The following KIAA1549 variants were observed in gnomAD, a reference collection of about 807,000 sequenced individuals.
KIAA1549 encodes UPF0606 protein KIAA1549.
KIAA1549 carries 70 observed loss-of-function variants against 156.4 expected under a neutral mutation model. That is an observed-to-expected ratio of 0.45 (90% CI 0.37 to 0.55). The LOEUF is 0.55. Ranked by LOEUF, KIAA1549 falls within the 20% of genes least tolerant of loss-of-function variation. The pLI, the probability that KIAA1549 is intolerant of heterozygous loss-of-function variation, is 0.00. For synonymous variants in KIAA1549, 1,103 were observed against 1,066.4 expected (o/e 1.03, Z -0.67); for missense variants, 2,428 against 2,540.9 (o/e 0.96, Z 0.96).
At chr7:138,948,374 A>G (rs2718140) in intron 1 of KIAA1549, among the ~76,000 whole-genome samples, 76,545 of 151,892 alleles carry the variant, frequency 0.5, 23,430 homozygotes, top group African/African-American at 0.88. Context: ...AGGAGTGCCC[A>G]GGCCTGCCAG....
chr7:138,834,348 C>T lies in KIAA1549; in HGVS notation c.*3558G>A. 5.3e-6 allele frequency: 1 copy of T among 189,498 alleles called. No individual in the cohort carries two copies. The highest frequency in any genetic ancestry group is 1.1e-5 in the Non-Finnish European group (1 of 90,150). 11.7% of individuals were successfully genotyped at this position (189,498 alleles called of 1,614,324 possible). On this transcript the variant is annotated 3_prime_UTR_variant, in exon 20 of 20. Transcript: ENST00000422774. ...TTTTTTTGTAGAGACGGGGTTTTGC[C>T]ATGTTGCCTGGGCTGGTTTTAAGCT...
Position 138,836,608 on chromosome 7 carries a change from C to A in KIAA1549, c.*1298G>T, listed in dbSNP as rs1809714755. On this transcript the variant is annotated 3_prime_UTR_variant, in exon 20 of 20. Coordinates refer to ENST00000422774, the MANE Select transcript of KIAA1549 (RefSeq NM_001164665.2). ...ACAGAACAGCCCTTGCCACTGTTTT[C>A]TTTACCATTATTTGGAAAGTGGGGG... The A allele has an allele frequency of 4.6e-6, 1 of 218,966 alleles. No homozygotes were observed. Among genetic ancestry groups the A allele is most frequent in the Non-Finnish European group, 9.2e-6 (1 of 109,130 alleles). The allele number at this position is 218,966 out of a possible 1,614,324, so 13.6% of individuals were successfully genotyped here. A position where few individuals can be genotyped will look rare whatever the true frequency, so the allele number is the denominator to read the frequency against.
chr7:138,928,122 A>G (rs1812774403), intron 1 of KIAA1549, among the ~76,000 whole-genome samples: 1 of 150,366 alleles, frequency 6.7e-6, no homozygotes. Flanking sequence ...GGGGTTTCAC[A>G]GTGTAAGCCA....
Position 138,832,257 on chromosome 7 carries a change from C to T in KIAA1549, c.*5649G>A, listed in dbSNP as rs980828838. The T allele has an allele frequency of 3.0e-5, 6 of 197,810 alleles. No homozygotes were observed. The highest frequency in any genetic ancestry group is 6.4e-5 in the Admixed American group (1 of 15,674). 12.3% of individuals were successfully genotyped at this position (197,810 alleles called of 1,614,324 possible). The stretch of plus-strand genomic sequence containing the variant: ...TGCAGCCCAGGCTGGAGTGCAGTGG[C>T]GTGATTATAGCTCACTGCAGCCTCC... On this transcript the variant is annotated 3_prime_UTR_variant, in exon 20 of 20. Coordinates refer to ENST00000422774, the MANE Select transcript of KIAA1549 (RefSeq NM_001164665.2).
Position 138,914,424 on chromosome 7 carries a change from G to A in KIAA1549, c.2879-1964C>T, listed in dbSNP as rs562307095. 5.9e-5 allele frequency among the ~76,000 whole-genome samples: 9 copies of A among 152,302 alleles called. No homozygotes were observed. In the South Asian group the frequency reaches 8.3e-4, roughly 14 times the overall value. ...GGTCAGAAAGGCCCTGGGTGGAAGC[G>A]CGGCTCATGCCTCCCAGGGCGCGTG... is the stretch of plus-strand genomic sequence containing the variant. On this transcript the variant is annotated intron_variant, in intron 2 of 19. Coordinates refer to ENST00000422774, the MANE Select transcript of KIAA1549 (RefSeq NM_001164665.2).
intron 1 of KIAA1549, among the ~76,000 whole-genome samples, chr7:138,967,374 G>A (rs926195140): frequency 7.2e-5 from 11 of 152,200 alleles, no homozygotes; most frequent in African/African-American, 2.7e-4. Context: ...CAGGAAATCT[G>A]AGCAGAGACC....
intron 10 of KIAA1549, among the ~76,000 whole-genome samples, chr7:138,888,312 A>C (rs1299695667): frequency 6.6e-6 from 1 of 152,262 alleles, no homozygotes; most frequent in Non-Finnish European, 1.5e-5. Context: ...AGCTGAGTTA[A>C]TACTGTATAC....
intron 15 of KIAA1549, among the ~76,000 whole-genome samples, chr7:138,862,472 C>G (rs947271944): frequency 4.0e-5 from 6 of 149,024 alleles, no homozygotes; most frequent in African/African-American, 9.9e-5. Flanking sequence ...CCACTGCACC[C>G]TAGCCTGGGT....
In KIAA1549 at chr7:138,833,091, G is replaced by A. The variant is rs939356092; in HGVS notation, c.*4815C>T. On this transcript the variant is annotated 3_prime_UTR_variant, in exon 20 of 20. Coordinates refer to ENST00000422774, the MANE Select transcript of KIAA1549 (RefSeq NM_001164665.2). The stretch of plus-strand genomic sequence containing the variant: ...GGACTTCCTCCTGCTCCTGTCCAGG[G>A]CAAATGTGGATAAGCAGGCTCTAGT... 1.7e-5 allele frequency: 4 copies of A among 232,040 alleles called. No homozygotes were observed. Among genetic ancestry groups the A allele is most frequent in the Non-Finnish European group, 3.4e-5 (4 of 117,380 alleles). 14.4% of individuals were successfully genotyped at this position (232,040 alleles called of 1,614,324 possible). A position where few individuals can be genotyped will look rare whatever the true frequency, so the allele number is the denominator to read the frequency against.
At chr7:138,943,741 C>T (rs933241880) in intron 1 of KIAA1549, among the ~76,000 whole-genome samples, 1 of 151,780 alleles carries the variant, frequency 6.6e-6, no homozygotes, top group Non-Finnish European at 1.5e-5. Context: ...CCCAGCTACT[C>T]GGGAGGCTGA....
intron 19 of KIAA1549, 147 bp from the exon 20 acceptor site, chr7:138,838,307 G>A: frequency 1.2e-6 from 1 of 818,342 alleles, no homozygotes; most frequent in Non-Finnish European, 1.8e-6. Context: ...CTATGCTGCA[G>A]GTGAGGCGTG....
chr7:138,917,078 A>G lies in KIAA1549; in HGVS notation c.2548T>C (p.Phe850Leu). 6.2e-7 allele frequency: 1 copy of G among 1,608,842 alleles called. No homozygotes were observed. Among genetic ancestry groups the G allele is most frequent in the Non-Finnish European group, 8.5e-7 (1 of 1,177,756 alleles). The change falls in exon 2 of 20, where the codon TTT becomes CTT. Residue 850 changes from phenylalanine to leucine, a missense_variant. Phe to Leu is a conservative substitution (Grantham distance 22). Transcript: ENST00000422774. ...GGGAAGGGGGTTGCTTCAGAAACAA[A>G]CGAGGATCCTGATGGCAGGTACGCG... ...TDAYLPSGSS[F>L]VSEATPFPLP...
At chr7:138,869,272 C>T (rs1810848586) in intron 14 of KIAA1549, among the ~76,000 whole-genome samples, 3 of 152,206 alleles carry the variant, frequency 2.0e-5, no homozygotes, top group Non-Finnish European at 2.9e-5. Context: ...GGAAATGCCC[C>T]GAGGCAGGCA....
intron 1 of KIAA1549, among the ~76,000 whole-genome samples, chr7:138,937,950 G>A (rs967516955): frequency 1.3e-5 from 2 of 152,124 alleles, no homozygotes; most frequent in Non-Finnish European, 1.5e-5. Context: ...GTGCTCTGCC[G>A]CAGTCAGGAG....
chr7:138,980,478 C>T (rs1460499336), intron 1 of KIAA1549, among the ~76,000 whole-genome samples: 1 of 152,200 alleles, frequency 6.6e-6, no homozygotes, highest in Non-Finnish European at 1.5e-5. Context: ...TTTTCACACT[C>T]CATTGTACTA....
intron 1 of KIAA1549, among the ~76,000 whole-genome samples, chr7:138,921,485 C>T (rs1197918019): frequency 6.6e-6 from 1 of 152,170 alleles, no homozygotes; most frequent in Admixed American, 6.5e-5. Context: ...TATTCGGAAA[C>T]AGGGTCAGTG....
chr7:138,872,430 G>A (rs1368456763), intron 12 of KIAA1549, among the ~76,000 whole-genome samples: 1 of 151,178 alleles, frequency 6.6e-6, no homozygotes, highest in African/African-American at 2.4e-5. Flanking sequence ...AATATTAACA[G>A]AGACTGAATC....
chr7:138,895,034 C>T (rs1382841720), intron 9 of KIAA1549, among the ~76,000 whole-genome samples: 1 of 152,128 alleles, frequency 6.6e-6, no homozygotes. Context: ...GGAAGAAAAC[C>T]CTTCATCTCT....
chr7:138,951,387 C>A (rs1350567308), intron 1 of KIAA1549, among the ~76,000 whole-genome samples: 1 of 152,180 alleles, frequency 6.6e-6, no homozygotes, highest in South Asian at 2.1e-4. Flanking sequence ...CACAGTTTCT[C>A]CTTGACTCTG....
Sources: allele counts gnomAD v4.1 joint callset (sites outside exome capture counted in the v4.1 genomes callset), GRCh38; gene constraint gnomAD v4.1.1; transcripts MANE v1.5; gene names NCBI Gene and HGNC (gene_info 2026-07-23, HGNC 2026-07-21).